TNXB: variants seen among roughly 807,000 people sequenced by gnomAD.
TNXB encodes tenascin-X.
A neutral mutation model predicts 340.5 loss-of-function variants in TNXB; 183 were observed. That is an observed-to-expected ratio of 0.54 (90% CI 0.48 to 0.61). The LOEUF is 0.61. Ranked by LOEUF, TNXB falls within the 20% of genes least tolerant of loss-of-function variation. The pLI is 0.00. For missense variants in TNXB, 4,613 were observed against 5,446.4 expected, an observed-to-expected ratio of 0.85 and a Z score of 4.82; for synonymous variants, 2,121 against 2,314.5, an observed-to-expected ratio of 0.92 and a Z score of 2.40.
rs1778803592 is a variant in TNXB at position 32,072,055 on chromosome 6, T to C, written c.4925A>G (p.Lys1642Arg). Residue 1642 changes from lysine to arginine, a missense_variant, in exon 13 of 44, where the codon AAG (lysine) becomes AGG (arginine). By Grantham distance (26) the Lys-to-Arg change is conservative. Transcript: ENST00000644971. The surrounding 1 kb of genome is among the most constrained non-coding windows in gnomAD (Gnocchi z 4.4). ...IPDLEPSRKY[K>R]FLLFGIQDGK... ...ATCCTGGATCCCAAAGAGCAGGAAC[T>C]TGTACTTGCGGGAGGGTTCCAGGTC... The C allele has an allele frequency of 6.2e-7, 1 of 1,612,502 alleles. No homozygotes were observed. The highest frequency in any genetic ancestry group is 8.5e-7 in the Non-Finnish European group (1 of 1,179,308).
rs757950715 is a variant in TNXB, at chr6:32,068,660, G to T, written c.5950C>A (p.Pro1984Thr). 1.2e-6 allele frequency: 2 copies of T among 1,613,934 alleles called. No homozygotes were observed. Among genetic ancestry groups the T allele is most frequent in the South Asian group, 1.1e-5 (1 of 91,072 alleles). Residue 1984 changes from proline to threonine, a missense_variant, in exon 17 of 44, where the codon CCC (proline) becomes ACC (threonine). Pro to Thr is a conservative substitution (Grantham distance 38). Transcript: ENST00000644971. This position sits in a 1 kb window ranked among gnomAD's most constrained non-coding sequence, Gnocchi z 5.3. ...PSEPPTATPE[P>T]PIKPRLGELT... ...TCCCCCAGGCGAGGCTTGATGGGGGGCTCGGGGGTTGCGGTGGGAGGTTCT... is the reference window on the plus strand; with the variant it reads ...TCCCCCAGGCGAGGCTTGATGGGGGTCTCGGGGGTTGCGGTGGGAGGTTCT...
chr6:32,058,425 G>T lies in TNXB; in HGVS notation c.7493-35C>A. On this transcript the variant is annotated intron_variant, in intron 21 of 43. Transcript: ENST00000644971. The surrounding 1 kb of genome is among the most constrained non-coding windows in gnomAD (Gnocchi z 5.1). ...AATATAGGGGGATACAGAGTTTAAG[G>T]GTTTAAGGGCAACTTGCTTTGCTGG... The T allele has an allele frequency of 6.7e-7, 1 of 1,498,560 alleles. No individual in the cohort carries two copies. 92.8% of individuals were successfully genotyped at this position (1,498,560 alleles called of 1,614,324 possible). A position where few individuals can be genotyped will look rare whatever the true frequency, so the allele number is the denominator to read the frequency against.
rs887541838 is a variant in TNXB, at chr6:32,070,763, A to G, written c.4991-349T>C. On this transcript the variant is annotated intron_variant, in intron 13 of 43. Coordinates refer to ENST00000644971, the MANE Select transcript of TNXB (RefSeq NM_001365276.2). This position sits in a 1 kb window ranked among gnomAD's most constrained non-coding sequence, Gnocchi z 6.0. ...TCTATCTCCTCTTACCCAGGAGCAC[A>G]CGATTTGGCCGTGATTTGGCCGGCC... Among the ~76,000 whole-genome samples the G allele has an allele frequency of 2.0e-5, 3 of 152,092 alleles. No individual in the cohort carries two copies. The highest frequency in any genetic ancestry group is 7.2e-5 in the African/African-American group (3 of 41,394).
At position 32,084,287 on chromosome 6, in the gene TNXB, C is replaced by T; in HGVS notation, c.3445+126G>A. The T allele has an allele frequency of 1.1e-6, 1 of 948,150 alleles. No homozygotes were observed. Among genetic ancestry groups the T allele is most frequent in the Non-Finnish European group, 1.5e-6 (1 of 668,070 alleles). 58.7% of individuals were successfully genotyped at this position (948,150 alleles called of 1,614,324 possible). ...GCCTGCCCCACCACTACTTTCCCTT[C>T]AGAATTCAGCTCATGCACCACTGCC... On this transcript the variant is annotated intron_variant, in intron 8 of 43. Coordinates refer to ENST00000644971, the MANE Select transcript of TNXB (RefSeq NM_001365276.2). The surrounding 1 kb of genome is among the most constrained non-coding windows in gnomAD (Gnocchi z 5.5).
Position 32,082,405 on chromosome 6 carries a change from G to T in TNXB, c.3446-79C>A. On this transcript the variant is annotated intron_variant, in intron 8 of 43. Coordinates refer to ENST00000644971, the MANE Select transcript of TNXB (RefSeq NM_001365276.2). This position sits in a 1 kb window ranked among gnomAD's most constrained non-coding sequence, Gnocchi z 5.0. ...AAGCCAAATCCCACATAGGAATGCTGTGTGAGGCTGTGCAGGTTGTTCACT... is the reference window on the plus strand; with the variant it reads ...AAGCCAAATCCCACATAGGAATGCTTTGTGAGGCTGTGCAGGTTGTTCACT... The T allele has an allele frequency of 7.2e-7, 1 of 1,384,296 alleles. No individual in the cohort carries two copies. Among genetic ancestry groups the T allele is most frequent in the Non-Finnish European group, 9.8e-7 (1 of 1,018,080 alleles). The allele number at this position is 1,384,296 out of a possible 1,614,324, so 85.8% of individuals were successfully genotyped here.
In TNXB at chr6:32,095,592, G is replaced by A; in HGVS notation, c.2242+19C>T. ...AGAATCACAGTCCCAGAGTACACTG[G>A]GGAAGGCTGCCTGCTCACCTTCTCC... On this transcript the variant is annotated intron_variant, in intron 3 of 43. Transcript: ENST00000644971. 2 of 1,600,946 alleles carry A rather than the reference G, an allele frequency of 1.2e-6. No homozygotes were observed. Among genetic ancestry groups the A allele is most frequent in the Non-Finnish European group, 1.7e-6 (2 of 1,171,698 alleles).
chr6:32,054,294 T>C (rs1777497829), intron 24 of TNXB, among the ~76,000 whole-genome samples: 1 of 152,154 alleles, frequency 6.6e-6, no homozygotes, highest in Admixed American at 6.5e-5. Context: ...TCCCCATCTT[T>C]AGCTCCCACG....
intron 1 of TNXB, among the ~76,000 whole-genome samples, chr6:32,099,930 A>C (rs1267451488): frequency 6.9e-6 from 1 of 143,956 alleles, no homozygotes; most frequent in Non-Finnish European, 1.5e-5. Flanking sequence ...TGCTGGGTCA[A>C]TCCAACATCC....
rs1380044233 is a variant in TNXB at position 32,084,038 on chromosome 6, T to A, written c.3445+375A>T. On this transcript the variant is annotated intron_variant, in intron 8 of 43. Transcript: ENST00000644971. This position sits in a 1 kb window ranked among gnomAD's most constrained non-coding sequence, Gnocchi z 5.5. ...TTTGCAAGATAAATATCTAGTCTCA[T>A]CACTCTCCCACTTTACCCTTCAGAG... Among the ~76,000 whole-genome samples, 1 of 152,148 alleles carries A rather than the reference T, an allele frequency of 6.6e-6. No homozygotes were observed. Among genetic ancestry groups the A allele is most frequent in the Non-Finnish European group, 1.5e-5 (1 of 68,014 alleles).
Position 32,068,493 on chromosome 6 carries a change from C to A in TNXB, c.6117G>T (p.Gly2039=). 1 of 1,613,904 alleles carries A rather than the reference C, an allele frequency of 6.2e-7. No individual in the cohort carries two copies. The highest frequency in any genetic ancestry group is 8.5e-7 in the Non-Finnish European group (1 of 1,179,902). Reference sequence around the variant, plus strand: ...CTGGCTCCAGGCCCGAGATGGTGACCCCTTCCTCGTGCCCTGGCACCCTCA... The same window carrying A: ...CTGGCTCCAGGCCCGAGATGGTGACACCTTCCTCGTGCCCTGGCACCCTCA... The part of the protein sequence containing the change: ...KAVRVPGHEE[G]VTISGLEPDH... Residue 2039 remains glycine, a synonymous_variant, in exon 17 of 44, where the codon GGG becomes GGT. Coordinates refer to ENST00000644971, the MANE Select transcript of TNXB (RefSeq NM_001365276.2). This position sits in a 1 kb window ranked among gnomAD's most constrained non-coding sequence, Gnocchi z 5.3.
rs890399870 is a variant in TNXB, at chr6:32,058,409, G to C, written c.7493-19C>G. On this transcript the variant is annotated intron_variant, in intron 21 of 43. Transcript: ENST00000644971. The surrounding 1 kb of genome is among the most constrained non-coding windows in gnomAD (Gnocchi z 5.1). ...TGTGGGGCTGAAAGGTAATATAGGG[G>C]GATACAGAGTTTAAGGGTTTAAGGG... is the stretch of plus-strand genomic sequence containing the variant. The C allele has an allele frequency of 2.2e-5, 35 of 1,565,090 alleles. No individual in the cohort carries two copies. The highest frequency in any genetic ancestry group is 2.9e-5 in the Non-Finnish European group (34 of 1,154,972).
Position 32,047,549 on chromosome 6 carries a change from C to T in TNXB, c.10324+185G>A, listed in dbSNP as rs576738623. Among the ~76,000 whole-genome samples, 9 of 152,294 alleles carry T rather than the reference C, an allele frequency of 5.9e-5. No individual in the cohort carries two copies. The South Asian group carries it at 1.0e-3, about 18-fold the overall frequency. The stretch of plus-strand genomic sequence containing the variant: ...TCCCTTTTATTTCCTCAGCAGTCAG[C>T]GAATGAAAGGAAGTAATGCATATGC... On this transcript the variant is annotated intron_variant, in intron 30 of 43. Coordinates refer to ENST00000644971, the MANE Select transcript of TNXB (RefSeq NM_001365276.2). The surrounding 1 kb of genome is among the most constrained non-coding windows in gnomAD (Gnocchi z 6.2).
chr6:32,099,097 T>A (rs1473730779), intron 1 of TNXB, among the ~76,000 whole-genome samples: 2 of 152,190 alleles, frequency 1.3e-5, no homozygotes, highest in Non-Finnish European at 2.9e-5. Flanking sequence ...GTCTGGCACA[T>A]AAATGTTCTA....
chr6:32,055,242 C>G (rs1470730088), intron 24 of TNXB, among the ~76,000 whole-genome samples: 3 of 152,190 alleles, frequency 2.0e-5, no homozygotes, highest in Non-Finnish European at 4.4e-5. Flanking sequence ...TTTCTAAAGC[C>G]TCTTCCTAAG....
In TNXB at chr6:32,067,966, G is replaced by C. The variant is rs1363390516; in HGVS notation, c.6239C>G (p.Pro2080Arg). ...CTCCATGCTGGGTTCTGTGGGGCTGGGGGTCTCTTCCTCTGCAGCTGAGAA... is the reference window on the plus strand; with the variant it reads ...CTCCATGCTGGGTTCTGTGGGGCTGCGGGTCTCTTCCTCTGCAGCTGAGAA... The part of the protein sequence containing the change: ...VGVTAAEEET[P>R]SPTEPSMEAP... Residue 2080 changes from proline (P) to arginine (R), a missense_variant, in exon 18 of 44, where the codon CCC becomes CGC. Around this residue, in one of 7 missense-constraint regions of TNXB, gnomAD observed 4,327 missense variants for 4,859.4 expected, o/e 0.89. Transcript: ENST00000644971. The surrounding 1 kb of genome is among the most constrained non-coding windows in gnomAD (Gnocchi z 4.2). 6.2e-7 allele frequency: 1 copy of C among 1,611,782 alleles called. No individual in the cohort carries two copies. Among genetic ancestry groups the C allele is most frequent in the East Asian group, 2.2e-5 (1 of 44,838 alleles).
Position 32,072,239 on chromosome 6 carries a change from C to A in TNXB, c.4741G>T (p.Gly1581Trp). 1 of 1,610,416 alleles carries A rather than the reference C, an allele frequency of 6.2e-7. No individual in the cohort carries two copies. Among genetic ancestry groups the A allele is most frequent in the Non-Finnish European group, 8.5e-7 (1 of 1,178,668 alleles). ...GTTATATCCGTCACTGTCAGCTCCC[C>A]TAGGCGTGGCTCCAGGGGAGGCTTG... is the stretch of plus-strand genomic sequence containing the variant. ...ASKPPLEPRL[G>W]ELTVTDITPD... Residue 1581 changes from glycine (G) to tryptophan (W), a missense_variant, in exon 13 of 44, where the codon GGG becomes TGG. Physicochemically the swap from Gly to Trp is radical, Grantham distance 184. Around this residue, in one of 7 missense-constraint regions of TNXB, gnomAD observed 4,327 missense variants for 4,859.4 expected, o/e 0.89. Coordinates refer to ENST00000644971, the MANE Select transcript of TNXB (RefSeq NM_001365276.2). This position sits in a 1 kb window ranked among gnomAD's most constrained non-coding sequence, Gnocchi z 4.4.
chr6:32,076,301 T>C (rs1315181210), intron 11 of TNXB, among the ~76,000 whole-genome samples: 1 of 152,134 alleles, frequency 6.6e-6, no homozygotes, highest in African/African-American at 2.4e-5. Context: ...CCTTTTCCAA[T>C]TTAGAAGTGT....
At position 32,096,278 on chromosome 6, in the gene TNXB, G is replaced by A. The variant is rs1322970253; in HGVS notation, c.1575C>T (p.Ser525=). 1 of 1,559,102 alleles carries A rather than the reference G, an allele frequency of 6.4e-7. No homozygotes were observed. The highest frequency in any genetic ancestry group is 1.2e-5 in the South Asian group (1 of 85,286). ...NPGFTGEDCG[S]RRCPGDCRGH... Reference sequence around the variant, plus strand: ...CACGGCAGTCCCCGGGACAGCGACGGCTCCCACAGTCCTCACCGGTGAAGC... The same window carrying A: ...CACGGCAGTCCCCGGGACAGCGACGACTCCCACAGTCCTCACCGGTGAAGC... The change falls in exon 3 of 44, where the codon AGC becomes AGT. Residue 525 remains serine (S), a synonymous_variant. Coordinates refer to ENST00000644971, the MANE Select transcript of TNXB (RefSeq NM_001365276.2).
Position 32,049,789 on chromosome 6 carries a change from C to G in TNXB, c.9440-202G>C, listed in dbSNP as rs1345843728. Among the ~76,000 whole-genome samples, 1 of 152,132 alleles carries G rather than the reference C, an allele frequency of 6.6e-6. No homozygotes were observed. The highest frequency in any genetic ancestry group is 2.4e-5 in the African/African-American group (1 of 41,426). ...GCTGTGGGGGACCTGGCACAGCCACCAGCACAGCAAAACTCCTGATGGCCC... is the reference window on the plus strand; with the variant it reads ...GCTGTGGGGGACCTGGCACAGCCACGAGCACAGCAAAACTCCTGATGGCCC... On this transcript the variant is annotated intron_variant, in intron 27 of 43. Coordinates refer to ENST00000644971, the MANE Select transcript of TNXB (RefSeq NM_001365276.2). The surrounding 1 kb of genome is among the most constrained non-coding windows in gnomAD (Gnocchi z 4.5).
Sources: gnomAD v4.1 joint callset for allele counts (sites outside exome capture counted in the v4.1 genomes callset) on GRCh38, gnomAD v4.1.1 for gene constraint, gnomAD v4.1.1 regional missense constraint, Gnocchi (gnomAD v3.1) non-coding constraint, MANE v1.5 for transcripts, NCBI Gene and HGNC (gene_info 2026-07-23, HGNC 2026-07-21) for gene names.